Variants in AP3S1 observed in about 807,000 individuals in gnomAD.
AP3S1 encodes the protein AP-3 complex subunit sigma-1.
In AP3S1, 12 loss-of-function variants were observed where a neutral mutation model predicts 21.3. The ratio of observed to expected loss-of-function variants is 0.56; its 90% CI spans 0.36 to 0.91. The LOEUF is 0.91. AP3S1 is among the 40% of genes least tolerant of loss of function. The probability of loss-of-function intolerance (pLI) is 0.01; values close to 1 mark genes in which losing one functional copy is unlikely to be tolerated. For synonymous variants in AP3S1, 48 were observed against 78.4 expected, an observed-to-expected ratio of 0.61 and a Z score of 2.05; for missense variants, 116 against 225.0, an observed-to-expected ratio of 0.52 and a Z score of 3.10.
In AP3S1 at chr5:115,862,653, A is replaced by G. The variant is rs140283473; in HGVS notation, c.70-4017A>G. Among the ~76,000 whole-genome samples, 424 of 152,356 alleles carry G rather than the reference A, an allele frequency of 2.8e-3. 2 individuals are homozygous for G. Among genetic ancestry groups the G allele is most frequent in the African/African-American group, 9.8e-3 (406 of 41,578 alleles). On this transcript the variant is annotated intron_variant, in intron 1 of 5. Transcript: ENST00000316788. ...ATTCAGGTGTTTTGAGAATCTGCTT[A>G]AAATGCTGTGTGATGCTAATCATCT... is the stretch of plus-strand genomic sequence containing the variant.
chr5:115,866,757 G>C lies in AP3S1; in HGVS notation c.157G>C (p.Gly53Arg). The change falls in exon 2 of 6, where the codon GGA becomes CGA. Residue 53 changes from glycine (G) to arginine (R), a missense_variant. This residue lies in a region of AP3S1 where 65 missense variants were observed against 148.2 expected (regional missense o/e 0.44). Coordinates refer to ENST00000316788, the MANE Select transcript of AP3S1 (RefSeq NM_001284.4). Reference protein sequence around the residue: ...DENVCNFLEGGLLIGGSDNKL... With the variant: ...DENVCNFLEGRLLIGGSDNKL... ...AAATGTTTGTAATTTCCTAGAAGGA[G>C]GATTGTAAGTAAAGCATTTCATAGA... 1 of 1,586,110 alleles carries C rather than the reference G, an allele frequency of 6.3e-7. No homozygotes were observed. The highest frequency in any genetic ancestry group is 8.6e-7 in the Non-Finnish European group (1 of 1,158,036).
chr5:115,886,700 A>G (rs558603910), intron 3 of AP3S1, among the ~76,000 whole-genome samples: 5 of 152,250 alleles, frequency 3.3e-5, no homozygotes, highest in African/African-American at 7.2e-5. Context: ...CAGCATCCCA[A>G]CCCCACTGTT....
intron 3 of AP3S1, among the ~76,000 whole-genome samples, chr5:115,892,491 C>A (rs763152006): frequency 1.3e-5 from 2 of 152,114 alleles, no homozygotes; most frequent in Non-Finnish European, 2.9e-5. Flanking sequence ...ATGATATTGT[C>A]ATTTGCAGCA....
chr5:115,889,660 G>A (rs772139966), intron 3 of AP3S1, among the ~76,000 whole-genome samples: 18 of 152,144 alleles, frequency 1.2e-4, no homozygotes, highest in Admixed American at 2.0e-4. Context: ...TATGACAAAA[G>A]ACTGTAGCTA....
At chr5:115,906,717 T>C (rs1000420048) in intron 5 of AP3S1, 2 of 799,340 alleles carry the variant, frequency 2.5e-6, no homozygotes, top group Non-Finnish European at 3.6e-6. Flanking sequence ...ATTCTTAAGA[T>C]GGATAAATGG....
At chr5:115,845,362 A>C (rs538728408) in intron 1 of AP3S1, among the ~76,000 whole-genome samples, 7 of 152,186 alleles carry the variant, frequency 4.6e-5, no homozygotes, top group South Asian at 2.1e-4. Context: ...ATCTCCCTCA[A>C]ATATAACAAC....
intron 1 of AP3S1, among the ~76,000 whole-genome samples, chr5:115,861,866 T>C (rs1315576547): frequency 2.5e-5 from 3 of 121,450 alleles, no homozygotes; most frequent in Non-Finnish European, 5.5e-5. Context: ...TTTTCTTTTC[T>C]TTTTTTTTTT....
At chr5:115,902,345 A>T (rs938092379) in intron 4 of AP3S1, among the ~76,000 whole-genome samples, 7 of 152,200 alleles carry the variant, frequency 4.6e-5, no homozygotes, top group African/African-American at 1.7e-4. Flanking sequence ...TGAATATTAC[A>T]TGTGTAGAGG....
chr5:115,857,092 A>C (rs556717093), intron 1 of AP3S1, among the ~76,000 whole-genome samples: 3 of 152,202 alleles, frequency 2.0e-5, no homozygotes, highest in Non-Finnish European at 4.4e-5. Context: ...TTCTTTCACT[A>C]TCAATGTAAT....
At chr5:115,911,155 A>G (rs1180998014) in intron 5 of AP3S1, among the ~76,000 whole-genome samples, 2 of 152,106 alleles carry the variant, frequency 1.3e-5, no homozygotes, top group Non-Finnish European at 1.5e-5. Context: ...ATACAACTCA[A>G]TCTAATGAAA....
At chr5:115,892,375 T>G (rs1354052641) in intron 3 of AP3S1, among the ~76,000 whole-genome samples, 1 of 152,240 alleles carries the variant, frequency 6.6e-6, no homozygotes, top group Non-Finnish European at 1.5e-5. Context: ...GTTGCAGCAC[T>G]GTTTAGAATA....
intron 3 of AP3S1, among the ~76,000 whole-genome samples, chr5:115,877,023 C>T (rs1748781124): frequency 6.6e-6 from 1 of 152,096 alleles, no homozygotes; most frequent in Non-Finnish European, 1.5e-5. Context: ...TGTAAATATA[C>T]TTTTTCTAGT....
intron 3 of AP3S1, among the ~76,000 whole-genome samples, chr5:115,878,817 T>TG (rs1415513528): frequency 6.6e-6 from 1 of 152,236 alleles, no homozygotes; most frequent in Non-Finnish European, 1.5e-5. Context: ...TACTGATTCT[T>TG]CCTATCCATG....
chr5:115,872,484 T>G (rs1174010749), intron 3 of AP3S1, among the ~76,000 whole-genome samples: 2 of 152,132 alleles, frequency 1.3e-5, no homozygotes, highest in African/African-American at 4.8e-5. Flanking sequence ...TTTTGAAGAT[T>G]GGCGGCAGTG....
At chr5:115,893,271 T>G (rs1015037703) in intron 3 of AP3S1, among the ~76,000 whole-genome samples, 2 of 152,198 alleles carry the variant, frequency 1.3e-5, no homozygotes, top group African/African-American at 2.4e-5. Context: ...TCACTTGATA[T>G]GTACCTTAGA....
At chr5:115,866,084 C>G (rs995541697) in intron 1 of AP3S1, among the ~76,000 whole-genome samples, 1 of 152,236 alleles carries the variant, frequency 6.6e-6, no homozygotes, top group Non-Finnish European at 1.5e-5. Context: ...GCATGAGCCA[C>G]TGTGCCCGGC....
chr5:115,856,336 A>G lies in AP3S1; in HGVS notation c.70-10334A>G, dbSNP rs146389894. Among the ~76,000 whole-genome samples, 481 of 152,004 alleles carry G rather than the reference A, an allele frequency of 3.2e-3. 12 individuals are homozygous for G. Among genetic ancestry groups the G allele is most frequent in the Admixed American group, 0.029 (443 of 15,276 alleles). ...TCTTTTTTCTTCATTTTTAATTGAT[A>G]TAATAACTGTGCATATTTATGGGGT... On this transcript the variant is annotated intron_variant, in intron 1 of 5. Coordinates refer to ENST00000316788, the MANE Select transcript of AP3S1 (RefSeq NM_001284.4).
At chr5:115,895,190 T>C in intron 4 of AP3S1, 32 bp downstream of exon 4, 1 of 1,437,100 alleles carries the variant, frequency 7.0e-7, no homozygotes, top group Non-Finnish European at 9.5e-7. Context: ...CTAAGCTTTT[T>C]AAGAAAAACA....
chr5:115,905,893 G>A (rs1287029513), intron 5 of AP3S1, among the ~76,000 whole-genome samples: 3 of 152,198 alleles, frequency 2.0e-5, no homozygotes, highest in Non-Finnish European at 4.4e-5. Context: ...AGTGGCTCAC[G>A]CCTGTAATCC....
Sources: allele counts gnomAD v4.1 joint callset (sites outside exome capture counted in the v4.1 genomes callset), GRCh38; gene constraint gnomAD v4.1.1; regional missense constraint gnomAD v4.1.1; transcripts MANE v1.5; gene names NCBI Gene and HGNC (gene_info 2026-07-23, HGNC 2026-07-21).